CFAP20DC: variants seen among roughly 807,000 people sequenced by gnomAD.
The protein encoded by CFAP20DC is protein CFAP20DC.
CFAP20DC carries 84 observed loss-of-function variants against 101.7 expected under a neutral mutation model. The ratio of observed to expected loss-of-function variants is 0.83; its 90% CI spans 0.69 to 0.99. CFAP20DC has a LOEUF of 0.99. Ranked by LOEUF, CFAP20DC falls within the 50% of genes least tolerant of loss-of-function variation. CFAP20DC has a pLI of 0.00. For missense variants in CFAP20DC, 1,007 were observed against 970.3 expected (o/e 1.04, Z -0.50); for synonymous variants, 359 against 351.2 (o/e 1.02, Z -0.25).
chr3:58,894,800 C>T lies in CFAP20DC; in HGVS notation c.551-10091G>A, dbSNP rs373150877. 5.3e-5 allele frequency among the ~76,000 whole-genome samples: 8 copies of T among 152,252 alleles called. No homozygotes were observed. The highest frequency in any genetic ancestry group is 1.9e-4 in the African/African-American group (8 of 41,474). ...TCTCATGAGGGCCCTGCCCCTGCAA[C>T]AAACTTGTGCCTGGGCATCCAGGCG... On this transcript the variant is annotated intron_variant, in intron 6 of 16. Transcript: ENST00000482387. The surrounding 1 kb of genome is among the most constrained non-coding windows in gnomAD (Gnocchi z 4.1).
At chr3:58,718,755 A>G (rs956927103) in intron 3 of CFAP20DC, among the ~76,000 whole-genome samples, 2 of 152,176 alleles carry the variant, frequency 1.3e-5, no homozygotes, top group East Asian at 3.9e-4. Context: ...CTAACCTGGC[A>G]TTGTGGAAAT....
In CFAP20DC at chr3:58,914,011, T is replaced by C. The variant is rs1275732398; in HGVS notation, c.394-147A>G. Reference sequence around the variant, plus strand: ...ATTTTCCTCTTTAGGTAAACTTATCTCTGTTTTGGCTTAAAAACTGACTTG... The same window carrying C: ...ATTTTCCTCTTTAGGTAAACTTATCCCTGTTTTGGCTTAAAAACTGACTTG... On this transcript the variant is annotated intron_variant, in intron 5 of 16. Transcript: ENST00000482387. This position sits in a 1 kb window ranked among gnomAD's most constrained non-coding sequence, Gnocchi z 4.9. 2.5e-6 allele frequency: 2 copies of C among 792,844 alleles called. No individual in the cohort carries two copies. The highest frequency in any genetic ancestry group is 2.0e-6 in the Non-Finnish European group (1 of 507,490). The allele number at this position is 792,844 out of a possible 1,614,324, so 49.1% of individuals were successfully genotyped here. A position where few individuals can be genotyped will look rare whatever the true frequency, so the allele number is the denominator to read the frequency against.
chr3:58,931,435 A>G (rs957387904), intron 5 of CFAP20DC, among the ~76,000 whole-genome samples: 44 of 152,308 alleles, frequency 2.9e-4, no homozygotes, highest in Admixed American at 1.0e-3. Context: ...CTCCCAGCAC[A>G]CAGCTGGAGA....
chr3:58,938,772 G>GA (rs1018638657), intron 4 of CFAP20DC, among the ~76,000 whole-genome samples: 8 of 151,056 alleles, frequency 5.3e-5, no homozygotes, highest in South Asian at 2.1e-4. Context: ...ATCTTTCAGT[G>GA]AAAAAAAACT....
In CFAP20DC at chr3:58,913,441, T is replaced by G. The variant is rs1049446759; in HGVS notation, c.550+267A>C. ...TAAAGAGGATTATGTTGTTTGTAAC[T>G]AAGGAGCCTAAGACAGATAGCAAGT... On this transcript the variant is annotated intron_variant, in intron 6 of 16. Coordinates refer to ENST00000482387, the MANE Select transcript of CFAP20DC (RefSeq NM_001394063.1). This position sits in a 1 kb window ranked among gnomAD's most constrained non-coding sequence, Gnocchi z 4.4. The G allele has an allele frequency of 1.7e-6, 1 of 583,828 alleles. No homozygotes were observed. Among genetic ancestry groups the G allele is most frequent in the Non-Finnish European group, 3.0e-6 (1 of 331,430 alleles). 36.2% of individuals were successfully genotyped at this position (583,828 alleles called of 1,614,324 possible).
chr3:59,008,574 C>G (rs1278518700), intron 4 of CFAP20DC, among the ~76,000 whole-genome samples: 4 of 152,102 alleles, frequency 2.6e-5, no homozygotes, highest in African/African-American at 9.7e-5. Flanking sequence ...ATGTATGAAA[C>G]TGGAAACCAT....
At chr3:58,896,886 T>A (rs1367300835) in intron 6 of CFAP20DC, among the ~76,000 whole-genome samples, 1 of 152,158 alleles carries the variant, frequency 6.6e-6, no homozygotes, top group African/African-American at 2.4e-5. Flanking sequence ...GAGTTCTGTA[T>A]ATATCTATCA....
At chr3:58,920,725 A>G (rs1299242913) in intron 5 of CFAP20DC, among the ~76,000 whole-genome samples, 1 of 152,196 alleles carries the variant, frequency 6.6e-6, no homozygotes, top group Non-Finnish European at 1.5e-5. Context: ...GTCCACGTTC[A>G]TGAGGGATAC....
At chr3:59,028,944 G>C (rs549605089) in intron 4 of CFAP20DC, among the ~76,000 whole-genome samples, 1 of 152,336 alleles carries the variant, frequency 6.6e-6, no homozygotes, top group Non-Finnish European at 1.5e-5. Context: ...AAGTCCCACA[G>C]AGGTAAAGCA....
In CFAP20DC at chr3:58,913,685, T is replaced by C; in HGVS notation, c.550+23A>G. Reference sequence around the variant, plus strand: ...AAAAATACATCAGAGAATTAAAAAATCTTGATAGCAACCTGAACATACCAT... The same window carrying C: ...AAAAATACATCAGAGAATTAAAAAACCTTGATAGCAACCTGAACATACCAT... On this transcript the variant is annotated intron_variant, in intron 6 of 16. Transcript: ENST00000482387. The surrounding 1 kb of genome is among the most constrained non-coding windows in gnomAD (Gnocchi z 4.4). The C allele has an allele frequency of 6.2e-7, 1 of 1,612,292 alleles. No homozygotes were observed. Among genetic ancestry groups the C allele is most frequent in the Non-Finnish European group, 8.5e-7 (1 of 1,178,682 alleles).
chr3:58,861,390 G>C lies in CFAP20DC; in HGVS notation c.1593+2168C>G. On this transcript the variant is annotated intron_variant, in intron 12 of 16. Transcript: ENST00000482387. The surrounding 1 kb of genome is among the most constrained non-coding windows in gnomAD (Gnocchi z 4.0). Reference sequence around the variant, plus strand: ...ACATTCTAAAATAATGCAATTAATAGTAAGGATGCCTTAATTAACTAAACT... The same window carrying C: ...ACATTCTAAAATAATGCAATTAATACTAAGGATGCCTTAATTAACTAAACT... 1 of 770,124 alleles carries C rather than the reference G, an allele frequency of 1.3e-6. No individual in the cohort carries two copies. Among genetic ancestry groups the C allele is most frequent in the Non-Finnish European group, 1.6e-6 (1 of 633,910 alleles). The allele number at this position is 770,124 out of a possible 1,614,324, so 47.7% of individuals were successfully genotyped here.
intron 4 of CFAP20DC, among the ~76,000 whole-genome samples, chr3:59,004,727 C>T (rs994940984): frequency 6.6e-6 from 1 of 152,148 alleles, no homozygotes; most frequent in African/African-American, 2.4e-5. Flanking sequence ...GCATAGAGGC[C>T]CCCACCTCTT....
rs1017808904 is a variant in CFAP20DC at position 58,742,553 on chromosome 3, C to T, written c.2352G>A (p.Val784=). ...AAGTCAGTACTTCCTCGTCCTCTTC[C>T]ACACTGAGGTCTTCTTCACCTGTGG... ...LSVQGEEDLS[V]EEDEEVLTLL... The change falls in exon 17 of 17, where the codon GTG becomes GTA. Residue 784 remains valine, a synonymous_variant. Coordinates refer to ENST00000482387, the MANE Select transcript of CFAP20DC (RefSeq NM_001394063.1). The T allele has an allele frequency of 6.2e-7, 1 of 1,602,900 alleles. No individual in the cohort carries two copies. The highest frequency in any genetic ancestry group is 8.5e-7 in the Non-Finnish European group (1 of 1,174,368).
At position 58,899,786 on chromosome 3, in the gene CFAP20DC, T is replaced by A. The variant is rs999686099; in HGVS notation, c.550+13922A>T. Among the ~76,000 whole-genome samples, 1 of 152,074 alleles carries A rather than the reference T, an allele frequency of 6.6e-6. No individual in the cohort carries two copies. The highest frequency in any genetic ancestry group is 1.5e-5 in the Non-Finnish European group (1 of 68,008). On this transcript the variant is annotated intron_variant, in intron 6 of 16. Coordinates refer to ENST00000482387, the MANE Select transcript of CFAP20DC (RefSeq NM_001394063.1). This position sits in a 1 kb window ranked among gnomAD's most constrained non-coding sequence, Gnocchi z 5.0. The stretch of plus-strand genomic sequence containing the variant: ...TCACCCCACCCTGCTTTTTTTCCAT[T>A]CTCTGCAGGTCAAGCTGTTTGCCTA...
At chr3:58,848,234 C>G (rs1247085945) in intron 13 of CFAP20DC, among the ~76,000 whole-genome samples, 1 of 151,740 alleles carries the variant, frequency 6.6e-6, no homozygotes. Flanking sequence ...TTAGCTACTT[C>G]TATTTTGCTG....
chr3:58,774,781 T>A (rs1346833640), intron 15 of CFAP20DC, among the ~76,000 whole-genome samples: 1 of 152,264 alleles, frequency 6.6e-6, no homozygotes, highest in African/African-American at 2.4e-5. Context: ...AAATATCTAA[T>A]ACAAGATTGG....
chr3:59,022,250 C>T (rs1239572287), intron 4 of CFAP20DC, among the ~76,000 whole-genome samples: 1 of 151,866 alleles, frequency 6.6e-6, no homozygotes, highest in Non-Finnish European at 1.5e-5. Flanking sequence ...AGAATAGAGG[C>T]TAGAGAGTAA....
intron 6 of CFAP20DC, among the ~76,000 whole-genome samples, chr3:58,903,239 TG>T (rs1413535399): frequency 2.0e-4 from 31 of 152,186 alleles, no homozygotes; most frequent in African/African-American, 7.2e-4. Context: ...TGCAAGGTCA[TG>T]AAGATTTACC....
chr3:58,779,384 T>C (rs569752570), intron 15 of CFAP20DC, among the ~76,000 whole-genome samples: 1 of 152,188 alleles, frequency 6.6e-6, no homozygotes, highest in African/African-American at 2.4e-5. Context: ...TCAAATAGAA[T>C]AGACTTTAAG....
Sources: allele counts gnomAD v4.1 joint callset (sites outside exome capture counted in the v4.1 genomes callset), GRCh38; gene constraint gnomAD v4.1.1; non-coding constraint Gnocchi (gnomAD v3.1); transcripts MANE v1.5; gene names NCBI Gene and HGNC (gene_info 2026-07-23, HGNC 2026-07-21).